THRB: variants seen among roughly 807,000 people sequenced by gnomAD.
The protein encoded by THRB is thyroid hormone receptor beta.
THRB carries 12 observed loss-of-function variants against 47.8 expected under a neutral mutation model. The observed-to-expected ratio is 0.25, with a 90% CI of 0.16 to 0.41. THRB has a LOEUF of 0.41. Among genes scored for constraint, THRB ranks in the 10% least tolerant of loss-of-function variants. The probability of loss-of-function intolerance (pLI) is 1.00; values close to 1 mark genes in which losing one functional copy is unlikely to be tolerated. For synonymous variants in THRB, 218 were observed against 212.2 expected, an observed-to-expected ratio of 1.03 and a Z score of -0.24; for missense variants, 348 against 589.2, an observed-to-expected ratio of 0.59 and a Z score of 4.24.
At chr3:24,239,306 A>G (rs1289799251) in intron 3 of THRB, among the ~76,000 whole-genome samples, 1 of 152,112 alleles carries the variant, frequency 6.6e-6, no homozygotes, top group East Asian at 1.9e-4. Flanking sequence ...CAGAAATTCC[A>G]GTGGCTTTCT....
At chr3:24,407,888 T>C (rs2067960657) in intron 1 of THRB, among the ~76,000 whole-genome samples, 1 of 151,884 alleles carries the variant, frequency 6.6e-6, no homozygotes, top group Admixed American at 6.6e-5. Context: ...AACTGCTCTA[T>C]CTTGAGCACT....
chr3:24,345,429 C>A (rs1221672977), intron 1 of THRB, among the ~76,000 whole-genome samples: 1 of 152,040 alleles, frequency 6.6e-6, no homozygotes, highest in African/African-American at 2.4e-5. Context: ...TATAATGGTT[C>A]TTTTGATTGA....
intron 1 of THRB, among the ~76,000 whole-genome samples, chr3:24,382,903 A>T (rs1348609716): frequency 6.6e-6 from 1 of 152,028 alleles, no homozygotes; most frequent in Non-Finnish European, 1.5e-5. Context: ...CACTCTAACC[A>T]TTCCAGGCAC....
At chr3:24,275,567 C>G (rs1279135479) in intron 3 of THRB, among the ~76,000 whole-genome samples, 3 of 152,164 alleles carry the variant, frequency 2.0e-5, no homozygotes, top group Non-Finnish European at 2.9e-5. Flanking sequence ...CATGTTTTGC[C>G]ACCATCATCA....
chr3:24,393,233 A>G (rs2066711603), intron 1 of THRB, among the ~76,000 whole-genome samples: 1 of 152,140 alleles, frequency 6.6e-6, no homozygotes, highest in African/African-American at 2.4e-5. Context: ...GAAAGAGAAG[A>G]TCAGTTATTT....
intron 5 of THRB, among the ~76,000 whole-genome samples, chr3:24,174,892 G>A (rs2040936560): frequency 6.6e-6 from 1 of 152,194 alleles, no homozygotes; most frequent in South Asian, 2.1e-4. Flanking sequence ...ACTGATAAGT[G>A]GTATTCTCAA....
intron 4 of THRB, among the ~76,000 whole-genome samples, chr3:24,223,440 A>G (rs2047354285): frequency 6.6e-6 from 1 of 152,184 alleles, no homozygotes. Context: ...ATCATAAATG[A>G]CACCTCAATA....
intron 1 of THRB, among the ~76,000 whole-genome samples, chr3:24,469,096 G>C (rs1194364300): frequency 6.6e-6 from 1 of 152,082 alleles, no homozygotes; most frequent in African/African-American, 2.4e-5. Context: ...AACAAATTAA[G>C]CATCACCTCC....
rs1425067951 is a variant in THRB at position 24,285,517 on chromosome 3, G to T, written c.-43+11709C>A. Among the ~76,000 whole-genome samples the T allele has an allele frequency of 3.3e-5, 5 of 150,686 alleles. No individual in the cohort carries two copies. The East Asian group carries it at 5.9e-4, about 18-fold the overall frequency. On this transcript the variant is annotated intron_variant, in intron 3 of 10. Transcript: ENST00000646209. ...TTAGTGGGTGCAGCACACCAGCATGGCACATGTATACATATGTAACTAACC... is the reference window on the plus strand; with the variant it reads ...TTAGTGGGTGCAGCACACCAGCATGTCACATGTATACATATGTAACTAACC...
intron 1 of THRB, among the ~76,000 whole-genome samples, chr3:24,424,944 A>G (rs2069612656): frequency 6.6e-6 from 1 of 151,960 alleles, no homozygotes; most frequent in African/African-American, 2.4e-5. Context: ...CATCTTTTAC[A>G]TGCTACTATT....
In THRB at chr3:24,438,506, G is replaced by GGTAGGTGT. The variant is rs1553760716; in HGVS notation, c.-261+56145_-261+56146insACACCTAC. Among the ~76,000 whole-genome samples, 4 of 145,968 alleles carry GGTAGGTGT rather than the reference G, an allele frequency of 2.7e-5. No homozygotes were observed. The East Asian group carries it at 6.1e-4, about 22-fold the overall frequency. On this transcript the variant is annotated intron_variant, in intron 1 of 10. Transcript: ENST00000646209. Reference sequence around the variant, plus strand: ...ATGCCATTGTCAGAGAGAACAAAAAGGTGTGTGTGTGTGTGTGTGTGTGTG... The same window carrying GGTAGGTGT: ...ATGCCATTGTCAGAGAGAACAAAAAGGTAGGTGTGTGTGTGTGTGTGTGTGTGTGTGTG...
intron 8 of THRB, among the ~76,000 whole-genome samples, chr3:24,138,617 T>C (rs532217284): frequency 6.6e-6 from 1 of 152,332 alleles, no homozygotes; most frequent in East Asian, 1.9e-4. Flanking sequence ...TCTCCATTCA[T>C]GTAACTACTA....
At chr3:24,452,748 A>G (rs1328498723) in intron 1 of THRB, among the ~76,000 whole-genome samples, 9 of 152,104 alleles carry the variant, frequency 5.9e-5, no homozygotes, top group Non-Finnish European at 1.3e-4. Context: ...AAAGTTCAAA[A>G]GATGGTCTGC....
At chr3:24,426,070 G>A (rs1207994160) in intron 1 of THRB, among the ~76,000 whole-genome samples, 1 of 151,804 alleles carries the variant, frequency 6.6e-6, no homozygotes, top group East Asian at 1.9e-4. Context: ...CAGGGTGGTT[G>A]TAAGGATTAA....
chr3:24,177,631 C>T (rs901383585), intron 5 of THRB, among the ~76,000 whole-genome samples: 10 of 152,038 alleles, frequency 6.6e-5, no homozygotes, highest in Non-Finnish European at 1.2e-4. Context: ...GGCATGGGGG[C>T]GCACAGAGGA....
intron 1 of THRB, among the ~76,000 whole-genome samples, chr3:24,394,352 CT>C (rs1490469083): frequency 6.6e-6 from 1 of 152,086 alleles, no homozygotes; most frequent in Non-Finnish European, 1.5e-5. Flanking sequence ...AGAGCCAGTA[CT>C]TTTAGAGCTA....
chr3:24,333,369 T>C (rs996728766), intron 2 of THRB, among the ~76,000 whole-genome samples: 1 of 152,188 alleles, frequency 6.6e-6, no homozygotes, highest in East Asian at 1.9e-4. Context: ...TTTCAAGAAC[T>C]TTGGCGCTAG....
intron 4 of THRB, among the ~76,000 whole-genome samples, chr3:24,203,242 A>T: frequency 6.6e-6 from 1 of 152,058 alleles, no homozygotes; most frequent in Middle Eastern, 3.2e-3. Context: ...GCAAAACCCC[A>T]TCTCTACCAA....
chr3:24,185,817 C>G (rs1405189405), intron 5 of THRB, among the ~76,000 whole-genome samples: 2 of 152,136 alleles, frequency 1.3e-5, no homozygotes, highest in African/African-American at 4.8e-5. Flanking sequence ...CTGTGGTTCC[C>G]AGAGAGAAGT....
Sources: gnomAD v4.1 joint callset for allele counts (sites outside exome capture counted in the v4.1 genomes callset) on GRCh38, gnomAD v4.1.1 for gene constraint, MANE v1.5 for transcripts, NCBI Gene and HGNC (gene_info 2026-07-23, HGNC 2026-07-21) for gene names.